CHFR: variants seen among roughly 807,000 people sequenced by gnomAD.
The protein encoded by CHFR is checkpoint with forkhead and ring finger domains, also known as E3 ubiquitin-protein ligase CHFR.
In CHFR, 57 loss-of-function variants were observed where a neutral mutation model predicts 87.6. The observed-to-expected ratio is 0.65, with a 90% CI of 0.53 to 0.81. The LOEUF is 0.81. Among genes scored for constraint, CHFR ranks in the 30% least tolerant of loss-of-function variants. The pLI is 0.00. For missense variants in CHFR, 797 were observed against 865.8 expected (o/e 0.92, Z 1.00); for synonymous variants, 381 against 359.2 (o/e 1.06, Z -0.69).
chr12:132,862,401 T>A (rs770802724), intron 6 of CHFR: 1 of 445,728 alleles, frequency 2.2e-6, no homozygotes, highest in Non-Finnish European at 4.5e-6. Flanking sequence ...TAGACCAGCC[T>A]GGGCAACACA....
chr12:132,869,370 CTT>C (rs1951432982), intron 6 of CHFR, among the ~76,000 whole-genome samples: 2 of 152,088 alleles, frequency 1.3e-5, no homozygotes, highest in African/African-American at 4.8e-5. Context: ...GGCTGGATGA[CTT>C]TTATGGTATG....
intron 2 of CHFR, among the ~76,000 whole-genome samples, chr12:132,878,473 TAAA>T (rs199736176): frequency 2.7e-5 from 3 of 113,106 alleles, no homozygotes; most frequent in Non-Finnish European, 1.8e-5. Flanking sequence ...CAACTGGAAA[TAAA>T]AAAAAAAAAA....
intron 3 of CHFR, among the ~76,000 whole-genome samples, chr12:132,876,751 C>T (rs987214115): frequency 6.6e-6 from 1 of 152,126 alleles, no homozygotes; most frequent in Non-Finnish European, 1.5e-5. Flanking sequence ...TCTTCTAATA[C>T]CTTGGGAGCC....
intron 6 of CHFR, among the ~76,000 whole-genome samples, chr12:132,864,392 C>T (rs542220281): frequency 2.6e-5 from 4 of 152,344 alleles, no homozygotes; most frequent in African/African-American, 9.6e-5. Flanking sequence ...TGGCACACTG[C>T]CTCACATTTA....
At chr12:132,860,550 A>G (rs893638950) in intron 7 of CHFR, among the ~76,000 whole-genome samples, 2 of 152,104 alleles carry the variant, frequency 1.3e-5, no homozygotes, top group Admixed American at 6.6e-5. Flanking sequence ...CCCTCCTAGA[A>G]CCTTCCTGTC....
rs2136982888 is a variant in CHFR at position 132,861,609 on chromosome 12, A to G, written c.609T>C (p.Pro203=). ...SCGSGGGGIS[P]KGSGPSVASD... ...TTGCCACAGAGGGACCACTTCCTTT[A>G]GGGGAGATGCCACCACCCCCAGACC... The change falls in exon 7 of 18, where the codon CCT becomes CCC. Residue 203 remains proline (P), a synonymous_variant. Coordinates refer to ENST00000450056, the MANE Select transcript of CHFR (RefSeq NM_001161346.2). 1 of 1,614,158 alleles carries G rather than the reference A, an allele frequency of 6.2e-7. No homozygotes were observed. The highest frequency in any genetic ancestry group is 2.2e-5 in the East Asian group (1 of 44,882).
intron 6 of CHFR, among the ~76,000 whole-genome samples, chr12:132,863,306 G>C (rs749617163): frequency 7.3e-5 from 11 of 151,426 alleles, no homozygotes; most frequent in South Asian, 2.1e-4. Flanking sequence ...TCAGGAGTTC[G>C]AGACCAGCCT....
At chr12:132,852,800 C>A (rs1310269527) in intron 11 of CHFR, among the ~76,000 whole-genome samples, 1 of 152,232 alleles carries the variant, frequency 6.6e-6, no homozygotes, top group Non-Finnish European at 1.5e-5. Flanking sequence ...ACATCCATCC[C>A]AGGCCAGTGG....
At chr12:132,869,933 G>T in intron 5 of CHFR, 135 bp from the exon 6 acceptor site, 1 of 1,000,930 alleles carries the variant, frequency 1.0e-6, no homozygotes, top group Non-Finnish European at 1.5e-6. Flanking sequence ...CCAAGGCCAG[G>T]CACGGTGGTG....
chr12:132,877,475 G>A (rs148544894), intron 3 of CHFR, 80 bp downstream of exon 3: 7 of 862,214 alleles, frequency 8.1e-6, no homozygotes, highest in African/African-American at 3.4e-5. Flanking sequence ...CTCCTCAGCC[G>A]TGGCACACAG....
chr12:132,887,193 C>A lies in CHFR; in HGVS notation c.133+3G>T. The A allele has an allele frequency of 6.7e-7, 1 of 1,490,078 alleles. No homozygotes were observed. Among genetic ancestry groups the A allele is most frequent in the Admixed American group, 2.2e-5 (1 of 45,174 alleles). 92.3% of individuals were successfully genotyped at this position (1,490,078 alleles called of 1,614,324 possible). A position where few individuals can be genotyped will look rare whatever the true frequency, so the allele number is the denominator to read the frequency against. On this transcript the variant is annotated splice_donor_region_variant and intron_variant, in intron 2 of 17. Coordinates refer to ENST00000450056, the MANE Select transcript of CHFR (RefSeq NM_001161346.2). ...GCCCCCGGCCCCGGCCTCAGCCCCG[C>A]ACCTCGTCTCCGCCCGATGGTCCAC...
intron 2 of CHFR, among the ~76,000 whole-genome samples, chr12:132,883,688 C>T (rs1951820312): frequency 6.6e-6 from 1 of 152,228 alleles, no homozygotes; most frequent in Admixed American, 6.5e-5. Context: ...GATCGTGCCA[C>T]TGCACTCCAG....
At chr12:132,855,943 G>C (rs1373284418) in intron 10 of CHFR, among the ~76,000 whole-genome samples, 1 of 152,148 alleles carries the variant, frequency 6.6e-6, no homozygotes, top group Non-Finnish European at 1.5e-5. Context: ...ACCTCAACAT[G>C]TCAGCAGATA....
chr12:132,858,924 C>A, intron 8 of CHFR, 144 bp downstream of exon 8: 1 of 743,224 alleles, frequency 1.3e-6, no homozygotes. Flanking sequence ...CCCACTCCAC[C>A]CACTTATCTG....
intron 1 of CHFR, 62 bp downstream of exon 1, chr12:132,887,485 C>T (rs2137088205): frequency 2.5e-6 from 1 of 397,330 alleles, no homozygotes; most frequent in Non-Finnish European, 3.4e-6. Context: ...GCGCCCCCTC[C>T]CACGGCCGCA....
At chr12:132,878,253 G>C (rs1010691132) in intron 2 of CHFR, among the ~76,000 whole-genome samples, 5 of 152,074 alleles carry the variant, frequency 3.3e-5, no homozygotes, top group Non-Finnish European at 7.4e-5. Context: ...AATGGATCAC[G>C]AGGTCAGGAG....
chr12:132,847,796 T>C (rs1950859859), intron 14 of CHFR: 1 of 1,253,024 alleles, frequency 8.0e-7, no homozygotes, highest in Non-Finnish European at 1.0e-6. Context: ...CCGAGAGCTG[T>C]GGGAACAAGA....
In CHFR at chr12:132,851,615, C is replaced by T; in HGVS notation, c.1492+3G>A. ...GCCTGCGTGCGGTGGCGCGGGCACTCACACTGCTGAGGGGCGACACGCGGG... is the reference window on the plus strand; with the variant it reads ...GCCTGCGTGCGGTGGCGCGGGCACTTACACTGCTGAGGGGCGACACGCGGG... On this transcript the variant is annotated splice_donor_region_variant and intron_variant, in intron 12 of 17. Transcript: ENST00000450056. 6.2e-7 allele frequency: 1 copy of T among 1,607,738 alleles called. No homozygotes were observed. Among genetic ancestry groups the T allele is most frequent in the Non-Finnish European group, 8.5e-7 (1 of 1,177,160 alleles).
At chr12:132,886,390 AT>A (rs1426499214) in intron 2 of CHFR, among the ~76,000 whole-genome samples, 2 of 140,074 alleles carry the variant, frequency 1.4e-5, no homozygotes, top group Non-Finnish European at 1.6e-5. Flanking sequence ...AAAAAAAAAA[AT>A]TGCTTCCAAA....
Sources: allele counts gnomAD v4.1 joint callset (sites outside exome capture counted in the v4.1 genomes callset), GRCh38; gene constraint gnomAD v4.1.1; transcripts MANE v1.5; gene names NCBI Gene and HGNC (gene_info 2026-07-23, HGNC 2026-07-21).